Variants in SYT16 observed in about 807,000 individuals in gnomAD.
SYT16 encodes the protein synaptotagmin-16.
Under a neutral mutation model 61.4 loss-of-function variants are expected in SYT16, and 42 were observed. That is an observed-to-expected ratio of 0.68 (90% CI 0.53 to 0.89). The LOEUF is 0.89. SYT16 is among the 40% of genes least tolerant of loss of function. The probability of loss-of-function intolerance (pLI) is 0.00; values close to 1 mark genes in which losing one functional copy is unlikely to be tolerated. For missense variants in SYT16, 804 were observed against 807.3 expected (o/e 1.00, Z 0.05); for synonymous variants, 314 against 302.3 (o/e 1.04, Z -0.40).
intron 1 of SYT16, among the ~76,000 whole-genome samples, chr14:61,930,888 A>C (rs903401523): frequency 1.3e-5 from 2 of 152,192 alleles, no homozygotes; most frequent in African/African-American, 4.8e-5. Flanking sequence ...GGAAAAGATA[A>C]GAAAATGGAT....
chr14:61,901,536 C>T (rs1323777863), intron 1 of SYT16, among the ~76,000 whole-genome samples: 2 of 152,178 alleles, frequency 1.3e-5, no homozygotes, highest in East Asian at 3.9e-4. Flanking sequence ...TTCATGTCTC[C>T]TATGCCCTAT....
intron 1 of SYT16, among the ~76,000 whole-genome samples, chr14:61,861,846 C>T (rs2046974185): frequency 6.6e-6 from 1 of 152,146 alleles, no homozygotes; most frequent in South Asian, 2.1e-4. Context: ...TACGTTTACA[C>T]CATGCTATAG....
chr14:62,028,045 G>T (rs1380224791), intron 3 of SYT16, among the ~76,000 whole-genome samples: 1 of 152,162 alleles, frequency 6.6e-6, no homozygotes, highest in Admixed American at 6.5e-5. Flanking sequence ...AGGCTGTGAT[G>T]TTCCATCTGA....
intron 1 of SYT16, among the ~76,000 whole-genome samples, chr14:61,850,261 A>G (rs1404048393): frequency 2.0e-5 from 3 of 151,022 alleles, no homozygotes; most frequent in Admixed American, 2.0e-4. Flanking sequence ...TAGCTTCCCT[A>G]GTAGCTGGGA....
chr14:61,938,592 A>C (rs1314910548), intron 1 of SYT16, among the ~76,000 whole-genome samples: 1 of 151,992 alleles, frequency 6.6e-6, no homozygotes, highest in African/African-American at 2.4e-5. Context: ...AGTGGGATAA[A>C]CCTGGAGTTG....
chr14:61,936,624 T>C (rs1489785022), intron 1 of SYT16, among the ~76,000 whole-genome samples: 1 of 152,198 alleles, frequency 6.6e-6, no homozygotes, highest in Non-Finnish European at 1.5e-5. Context: ...ACCTCCTCTA[T>C]CACTTTTTCT....
intron 4 of SYT16, among the ~76,000 whole-genome samples, chr14:62,073,164 A>G (rs1195604387): frequency 6.6e-6 from 1 of 152,108 alleles, no homozygotes; most frequent in Non-Finnish European, 1.5e-5. Flanking sequence ...TATCATTCTT[A>G]TGTTTTTCAG....
At chr14:61,849,733 CCCTCTTTAGTG>C (rs2046554416) in intron 1 of SYT16, among the ~76,000 whole-genome samples, 1 of 152,254 alleles carries the variant, frequency 6.6e-6, no homozygotes, top group Admixed American at 6.5e-5. Context: ...GTCTTTCCTA[CCCTCTTTAGTG>C]CCTCTTTCAG....
At chr14:61,898,005 T>G (rs897122387) in intron 1 of SYT16, among the ~76,000 whole-genome samples, 6 of 152,190 alleles carry the variant, frequency 3.9e-5, no homozygotes, top group African/African-American at 1.4e-4. Flanking sequence ...CAAGTTCCAA[T>G]TTTGTCTTAA....
At chr14:61,868,112 A>G (rs372017897) in intron 1 of SYT16, among the ~76,000 whole-genome samples, 13 of 151,954 alleles carry the variant, frequency 8.6e-5, no homozygotes, top group African/African-American at 2.7e-4. Context: ...ATTGGTCTAA[A>G]TTTTCTTTCC....
At chr14:61,849,672 C>T (rs1327491313) in intron 1 of SYT16, among the ~76,000 whole-genome samples, 3 of 119,582 alleles carry the variant, frequency 2.5e-5, no homozygotes, top group African/African-American at 8.9e-5. Flanking sequence ...TTCTTTACCT[C>T]ATGTGGCCAC....
intron 1 of SYT16, among the ~76,000 whole-genome samples, chr14:61,958,017 G>T (rs573905615): frequency 2.0e-5 from 3 of 151,738 alleles, no homozygotes; most frequent in Admixed American, 6.6e-5. Flanking sequence ...TCTTGTTTTA[G>T]GTAGGTCGTA....
chr14:61,832,025 C>G lies in SYT16; in HGVS notation c.-325+19215C>G. The G allele has an allele frequency of 5.8e-6, 4 of 683,912 alleles. No homozygotes were observed. The South Asian group carries it at 5.9e-5, about 10-fold the overall frequency. 42.4% of individuals were successfully genotyped at this position (683,912 alleles called of 1,614,324 possible). A position where few individuals can be genotyped will look rare whatever the true frequency, so the allele number is the denominator to read the frequency against. ...AGCGCTTCTCCCAGATGATAATGAA[C>G]GCCGTGAAGCCAAGGAAGAACATGG... is the stretch of plus-strand genomic sequence containing the variant. On this transcript the variant is annotated intron_variant, in intron 1 of 7. Transcript: ENST00000683842.
chr14:61,832,306 G>C, intron 1 of SYT16: 2 of 590,030 alleles, frequency 3.4e-6, no homozygotes, highest in South Asian at 1.4e-5. Context: ...CCGTGTGCTC[G>C]TACAGACACC....
intron 1 of SYT16, among the ~76,000 whole-genome samples, chr14:61,893,363 A>C (rs217670): frequency 0.63 from 95,294 of 151,928 alleles, 30,270 homozygotes; most frequent in African/African-American, 0.72. Context: ...GATTTTAGAT[A>C]TTGTCCTGAA....
chr14:62,016,946 C>A lies in SYT16; in HGVS notation c.523+20404C>A, dbSNP rs114597615. On this transcript the variant is annotated intron_variant, in intron 3 of 7. Coordinates refer to ENST00000683842, the MANE Select transcript of SYT16 (RefSeq NM_001367656.1). Reference sequence around the variant, plus strand: ...CCAGTGTGTTTAGTACTGTGATTTTCCTGTGCTAGATTCATAATAAATATT... The same window carrying A: ...CCAGTGTGTTTAGTACTGTGATTTTACTGTGCTAGATTCATAATAAATATT... 4.9e-3 allele frequency among the ~76,000 whole-genome samples: 744 copies of A among 152,168 alleles called. 6 individuals carry two copies. Among genetic ancestry groups the A allele is most frequent in the African/African-American group, 0.017 (711 of 41,520 alleles).
chr14:62,007,483 T>C (rs2053268376), intron 3 of SYT16, among the ~76,000 whole-genome samples: 1 of 152,156 alleles, frequency 6.6e-6, no homozygotes, highest in Non-Finnish European at 1.5e-5. Context: ...ATTTGCATGT[T>C]TTAGCAAGGG....
chr14:61,862,031 AC>A (rs2046980171), intron 1 of SYT16, among the ~76,000 whole-genome samples: 1 of 149,744 alleles, frequency 6.7e-6, no homozygotes, highest in South Asian at 2.1e-4. Flanking sequence ...TGTAAAAAAA[AC>A]ACACACAATA....
intron 3 of SYT16, among the ~76,000 whole-genome samples, chr14:62,034,587 A>G (rs2054433033): frequency 6.6e-6 from 1 of 152,172 alleles, no homozygotes; most frequent in African/African-American, 2.4e-5. Context: ...CAAATGAAAG[A>G]AGTCAGTAAC....
Sources: allele counts gnomAD v4.1 joint callset (sites outside exome capture counted in the v4.1 genomes callset), GRCh38; gene constraint gnomAD v4.1.1; transcripts MANE v1.5; gene names NCBI Gene and HGNC (gene_info 2026-07-23, HGNC 2026-07-21).